ACER3: variants seen among roughly 807,000 people sequenced by gnomAD.
ACER3 encodes the protein alkaline ceramidase 3.
A neutral mutation model predicts 48.9 loss-of-function variants in ACER3; 16 were observed. The observed-to-expected ratio is 0.33, with a 90% CI of 0.22 to 0.50. The LOEUF is 0.50. ACER3 is among the 20% of genes least tolerant of loss of function. ACER3 has a pLI of 0.98. For missense variants in ACER3, 227 were observed against 326.0 expected (o/e 0.70, Z 2.34); for synonymous variants, 109 against 107.8 (o/e 1.01, Z -0.07).
In ACER3 at chr11:77,026,238, T is replaced by A. The variant is rs938240792; in HGVS notation, c.*5911T>A. On this transcript the variant is annotated 3_prime_UTR_variant, in exon 11 of 11. Transcript: ENST00000532485. ...ATGTGCCACATGGTAGTTGTCAAGCTGTGGTAGTCATGTACACTTTTTTTC... is the reference window on the plus strand; with the variant it reads ...ATGTGCCACATGGTAGTTGTCAAGCAGTGGTAGTCATGTACACTTTTTTTC... 16 of 148,834 alleles carry A rather than the reference T, an allele frequency of 1.1e-4. No individual in the cohort carries two copies. The East Asian group carries it at 2.0e-3, about 19-fold the overall frequency. 9.2% of individuals were successfully genotyped at this position (148,834 alleles called of 1,614,324 possible).
At chr11:76,878,315 A>T (rs1168458540) in intron 1 of ACER3, among the ~76,000 whole-genome samples, 1 of 152,046 alleles carries the variant, frequency 6.6e-6, no homozygotes, top group African/African-American at 2.4e-5. Flanking sequence ...GCAATGACCT[A>T]ATAGAAATTC....
intron 1 of ACER3, among the ~76,000 whole-genome samples, chr11:76,913,959 T>C (rs1946455186): frequency 6.6e-6 from 1 of 152,230 alleles, no homozygotes; most frequent in Non-Finnish European, 1.5e-5. Context: ...AAGGATTCCC[T>C]ATTTAATAAA....
chr11:76,992,186 G>T (rs1186287870), intron 6 of ACER3, among the ~76,000 whole-genome samples: 2 of 152,110 alleles, frequency 1.3e-5, no homozygotes, highest in African/African-American at 2.4e-5. Flanking sequence ...AACTATGATT[G>T]TGCCACTGCA....
chr11:76,950,563 G>A lies in ACER3; in HGVS notation c.215-8416G>A, dbSNP rs190998025. Reference sequence around the variant, plus strand: ...TGCAGCCTCAATCTCCTAGGTTCAAGTGATCCTGCCACCTCAGCCTCCCTT... The same window carrying A: ...TGCAGCCTCAATCTCCTAGGTTCAAATGATCCTGCCACCTCAGCCTCCCTT... On this transcript the variant is annotated intron_variant, in intron 2 of 10. Transcript: ENST00000532485. Among the ~76,000 whole-genome samples, 686 of 151,226 alleles carry A rather than the reference G, an allele frequency of 4.5e-3. 7 individuals are homozygous for A. The highest frequency in any genetic ancestry group is 0.015 in the African/African-American group (611 of 41,340).
chr11:76,909,330 CA>C (rs1303391387), intron 1 of ACER3, among the ~76,000 whole-genome samples: 1 of 152,072 alleles, frequency 6.6e-6, no homozygotes, highest in East Asian at 1.9e-4. Flanking sequence ...TCAGAGTGAA[CA>C]GGCAATCTTA....
intron 3 of ACER3, among the ~76,000 whole-genome samples, chr11:76,975,874 CTTTTTTTT>C (rs34786738): frequency 1.2e-5 from 1 of 82,744 alleles, no homozygotes. Context: ...TTTTTCTTTT[CTTTTTTTT>C]TTTTTTTTTT....
chr11:76,932,200 G>A lies in ACER3; in HGVS notation c.214+5533G>A, dbSNP rs373454447. On this transcript the variant is annotated intron_variant, in intron 2 of 10. Transcript: ENST00000532485. ...CCTGAGATCAAGCAATCTTCCTGCC[G>A]TGGCCTCCCAAAGTGCTGGGATTAC... Among the ~76,000 whole-genome samples, 77 of 152,030 alleles carry A rather than the reference G, an allele frequency of 5.1e-4. 1 individual carries two copies. The highest frequency in any genetic ancestry group is 6.3e-4 in the Non-Finnish European group (43 of 67,962).
intron 3 of ACER3, among the ~76,000 whole-genome samples, chr11:76,959,593 C>A (rs1289145355): frequency 6.6e-6 from 1 of 151,498 alleles, no homozygotes; most frequent in Non-Finnish European, 1.5e-5. Flanking sequence ...GCTCTTATTG[C>A]CCAGGCTGGA....
chr11:76,983,876 T>C (rs533526807), intron 4 of ACER3, among the ~76,000 whole-genome samples: 41 of 151,872 alleles, frequency 2.7e-4, no homozygotes, highest in African/African-American at 9.2e-4. Flanking sequence ...CTGCAACCTC[T>C]GCCTCCCGGA....
intron 1 of ACER3, among the ~76,000 whole-genome samples, chr11:76,884,487 A>G (rs1352981966): frequency 6.6e-6 from 1 of 152,124 alleles, no homozygotes; most frequent in Non-Finnish European, 1.5e-5. Context: ...TCTTATGTTC[A>G]TTAGTTTTAA....
chr11:76,894,521 G>GT (rs1945883609), intron 1 of ACER3, among the ~76,000 whole-genome samples: 1 of 152,104 alleles, frequency 6.6e-6, no homozygotes, highest in Non-Finnish European at 1.5e-5. Context: ...GCAGCTGTTG[G>GT]TAAGTCATTT....
chr11:77,015,026 T>C lies in ACER3; in HGVS notation c.508T>C (p.Trp170Arg). 1.3e-6 allele frequency: 2 copies of C among 1,594,566 alleles called. No individual in the cohort carries two copies. The highest frequency in any genetic ancestry group is 1.7e-6 in the Non-Finnish European group (2 of 1,162,968). Residue 170 changes from tryptophan (W) to arginine (R), a missense_variant, in exon 8 of 11, where the codon TGG becomes CGG. By Grantham distance (101) the Trp-to-Arg change is moderately radical (BLOSUM62 -3). Transcript: ENST00000532485. ...SIYIVTWVYP[W>R]LRGLGYTSLG... is the part of the protein sequence containing the mutation. ...TTTTCCCCCCCACAGGGTTTATCCATGGCTTAGAGGACTGGGTTATACATC... is the reference window on the plus strand; with the variant it reads ...TTTTCCCCCCCACAGGGTTTATCCACGGCTTAGAGGACTGGGTTATACATC...
intron 9 of ACER3, 57 bp from the exon 10 acceptor site, chr11:77,019,674 G>A: frequency 2.6e-6 from 4 of 1,556,292 alleles, no homozygotes; most frequent in Non-Finnish European, 3.5e-6. Flanking sequence ...CAGTACGCCA[G>A]TTTGCATGAA....
At chr11:76,921,042 A>G (rs1451013912) in intron 1 of ACER3, among the ~76,000 whole-genome samples, 1 of 152,198 alleles carries the variant, frequency 6.6e-6, no homozygotes, top group Non-Finnish European at 1.5e-5. Context: ...ATATAAGCTA[A>G]ATTGCTTATT....
chr11:76,966,636 A>C (rs1196200472), intron 3 of ACER3, among the ~76,000 whole-genome samples: 1 of 150,902 alleles, frequency 6.6e-6, no homozygotes, highest in Non-Finnish European at 1.5e-5. Context: ...TCAAACTAGA[A>C]CTCAGGATTA....
intron 2 of ACER3, among the ~76,000 whole-genome samples, chr11:76,928,287 T>C (rs982018023): frequency 9.2e-5 from 14 of 152,304 alleles, no homozygotes; most frequent in Admixed American, 1.3e-4. Flanking sequence ...TCATATCCTT[T>C]GCCCACTTTT....
chr11:76,882,769 G>C (rs1232061555), intron 1 of ACER3, among the ~76,000 whole-genome samples: 2 of 152,170 alleles, frequency 1.3e-5, no homozygotes, highest in African/African-American at 4.8e-5. Flanking sequence ...TGTTTCTGTT[G>C]TTTTAACTGG....
chr11:76,900,479 ATATAAGGGTC>A (rs1344510042), intron 1 of ACER3, among the ~76,000 whole-genome samples: 1 of 152,204 alleles, frequency 6.6e-6, no homozygotes, highest in African/African-American at 2.4e-5. Context: ...TGCTAGTATC[ATATAAGGGTC>A]TATGTCGTAA....
In ACER3 at chr11:76,972,791, G is replaced by T. The variant is rs1010831894; in HGVS notation, c.268-3498G>T. 5.3e-5 allele frequency among the ~76,000 whole-genome samples: 8 copies of T among 152,170 alleles called. No homozygotes were observed. The East Asian group carries it at 1.4e-3, about 26-fold the overall frequency. On this transcript the variant is annotated intron_variant, in intron 3 of 10. Transcript: ENST00000532485. Reference sequence around the variant, plus strand: ...ACGACACCTCCTCCATGTACCAGGGGGTGAAGGTCTGCAGGGTCAGGGGTT... The same window carrying T: ...ACGACACCTCCTCCATGTACCAGGGTGTGAAGGTCTGCAGGGTCAGGGGTT...
Sources: allele counts gnomAD v4.1 joint callset (sites outside exome capture counted in the v4.1 genomes callset), GRCh38; gene constraint gnomAD v4.1.1; transcripts MANE v1.5; gene names NCBI Gene and HGNC (gene_info 2026-07-23, HGNC 2026-07-21).